SLC2A13: variants seen among roughly 807,000 people sequenced by gnomAD.
The protein encoded by SLC2A13 is solute carrier family 2 member 13, also known as proton myo-inositol cotransporter.
Under a neutral mutation model 64.4 loss-of-function variants are expected in SLC2A13, and 32 were observed. That is an observed-to-expected ratio of 0.50 (90% CI 0.37 to 0.67). The LOEUF (loss-of-function observed/expected upper bound fraction) is 0.67, where lower values mean the gene tolerates loss of function less well. Among genes scored for constraint, SLC2A13 ranks in the 30% least tolerant of loss-of-function variants. SLC2A13 has a pLI of 0.00. For synonymous variants in SLC2A13, 338 were observed against 327.1 expected, an observed-to-expected ratio of 1.03 and a Z score of -0.36; for missense variants, 743 against 829.2, an observed-to-expected ratio of 0.90 and a Z score of 1.28.
intron 3 of SLC2A13, among the ~76,000 whole-genome samples, chr12:39,985,020 C>T (rs190686095): frequency 2.0e-5 from 3 of 152,252 alleles, no homozygotes; most frequent in African/African-American, 7.2e-5. Flanking sequence ...CACCAGTTTG[C>T]TTCTGTTACC....
chr12:39,968,079 C>A (rs1317456373), intron 3 of SLC2A13, among the ~76,000 whole-genome samples: 1 of 152,008 alleles, frequency 6.6e-6, no homozygotes, highest in Non-Finnish European at 1.5e-5. Flanking sequence ...TCTCATATTG[C>A]TAATAAAGAC....
intron 4 of SLC2A13, among the ~76,000 whole-genome samples, chr12:39,889,242 A>C (rs1422218045): frequency 6.6e-6 from 1 of 152,118 alleles, no homozygotes; most frequent in Non-Finnish European, 1.5e-5. Context: ...CCATCAGTTA[A>C]AACCCCAAAT....
At chr12:39,911,781 T>A (rs1244637720) in intron 4 of SLC2A13, among the ~76,000 whole-genome samples, 1 of 152,012 alleles carries the variant, frequency 6.6e-6, no homozygotes, top group Non-Finnish European at 1.5e-5. Flanking sequence ...TAGCTGGAAA[T>A]TCAATGAGCC....
intron 6 of SLC2A13, among the ~76,000 whole-genome samples, chr12:39,854,322 A>G (rs954451826): frequency 2.0e-5 from 3 of 152,186 alleles, no homozygotes; most frequent in Admixed American, 1.3e-4. Flanking sequence ...TATGAATAAT[A>G]CTTGAATATT....
chr12:39,833,636 T>C (rs1942922369), intron 6 of SLC2A13, among the ~76,000 whole-genome samples: 1 of 152,114 alleles, frequency 6.6e-6, no homozygotes, highest in South Asian at 2.1e-4. Context: ...ACCAGGCATA[T>C]TGATACAAAT....
In SLC2A13 at chr12:39,980,240, C is replaced by G. The variant is rs1468502818; in HGVS notation, c.926-28875G>C. On this transcript the variant is annotated intron_variant, in intron 3 of 9. Transcript: ENST00000280871. ...AATCATGCCAAAATGTAAAGACCAT[C>G]GAGACTAGGAAGAAACTGCATCAAC... is the stretch of plus-strand genomic sequence containing the variant. Among the ~76,000 whole-genome samples, 17 of 152,150 alleles carry G rather than the reference C, an allele frequency of 1.1e-4. 1 individual carries two copies. The South Asian group carries it at 3.5e-3, about 32-fold the overall frequency.
intron 4 of SLC2A13, among the ~76,000 whole-genome samples, chr12:39,901,588 A>G (rs1293753728): frequency 5.6e-5 from 7 of 125,092 alleles, no homozygotes; most frequent in South Asian, 3.1e-4. Context: ...AACACATGAA[A>G]AAATGCTCAT....
rs556950251 is a variant in SLC2A13 at position 40,051,283 on chromosome 12, T to A, written c.557-3073A>T. On this transcript the variant is annotated intron_variant, in intron 1 of 9. Coordinates refer to ENST00000280871, the MANE Select transcript of SLC2A13 (RefSeq NM_052885.4). ...CACAGAACATGAGCTTAAATCTTTA[T>A]ATGAAATGACACGGGGTTTTCTGAG... 2.6e-5 allele frequency among the ~76,000 whole-genome samples: 4 copies of A among 152,308 alleles called. No individual in the cohort carries two copies. The South Asian group carries it at 6.2e-4, about 24-fold the overall frequency.
intron 7 of SLC2A13, among the ~76,000 whole-genome samples, chr12:39,822,926 T>A (rs976168113): frequency 6.6e-6 from 1 of 152,220 alleles, no homozygotes; most frequent in African/African-American, 2.4e-5. Flanking sequence ...ACGAGGGAGA[T>A]AAATTACTCA....
chr12:40,099,489 G>C (rs1291141955), intron 1 of SLC2A13, among the ~76,000 whole-genome samples: 1 of 152,194 alleles, frequency 6.6e-6, no homozygotes, highest in African/African-American at 2.4e-5. Context: ...AGATGTTAGT[G>C]TGAAGTCAGT....
chr12:39,760,299 G>A (rs769660825), intron 9 of SLC2A13, 47 bp from the exon 10 acceptor site: 3 of 1,507,750 alleles, frequency 2.0e-6, no homozygotes, highest in South Asian at 2.4e-5. Context: ...TATAGAGAGA[G>A]GCTTAAGTTG....
intron 4 of SLC2A13, among the ~76,000 whole-genome samples, chr12:39,933,139 G>C (rs1407221714): frequency 6.6e-6 from 1 of 152,202 alleles, no homozygotes; most frequent in Non-Finnish European, 1.5e-5. Flanking sequence ...TGAGGCAGGA[G>C]AATCAGTTGA....
At chr12:39,887,797 C>T (rs1944506984) in intron 4 of SLC2A13, among the ~76,000 whole-genome samples, 1 of 152,174 alleles carries the variant, frequency 6.6e-6, no homozygotes, top group Admixed American at 6.5e-5. Context: ...GTGACAGTAT[C>T]ACTGATGTAG....
At chr12:40,005,512 T>C (rs1947400173) in intron 3 of SLC2A13, among the ~76,000 whole-genome samples, 1 of 152,104 alleles carries the variant, frequency 6.6e-6, no homozygotes, top group Admixed American at 6.6e-5. Flanking sequence ...AAATCAGTGG[T>C]TCTCAAAGAG....
intron 2 of SLC2A13, among the ~76,000 whole-genome samples, chr12:40,029,463 C>T (rs1307772904): frequency 6.6e-6 from 1 of 152,128 alleles, no homozygotes; most frequent in Non-Finnish European, 1.5e-5. Context: ...CTCAGGAGGC[C>T]AATTCTATTT....
intron 4 of SLC2A13, among the ~76,000 whole-genome samples, chr12:39,885,233 T>G (rs1944439903): frequency 6.6e-6 from 1 of 152,112 alleles, no homozygotes; most frequent in African/African-American, 2.4e-5. Flanking sequence ...ACCCAAAGAT[T>G]GAGGAAAACA....
In SLC2A13 at chr12:39,878,591, A is replaced by T. The variant is rs1944255017; in HGVS notation, c.1035-6630T>A. 3.3e-5 allele frequency among the ~76,000 whole-genome samples: 5 copies of T among 152,218 alleles called. No individual in the cohort carries two copies. In the South Asian group the frequency reaches 1.0e-3, roughly 32 times the overall value. On this transcript the variant is annotated intron_variant, in intron 4 of 9. Coordinates refer to ENST00000280871, the MANE Select transcript of SLC2A13 (RefSeq NM_052885.4). ...CTAGTAGAAGAAACTTCTAAGCAAC[A>T]AAGCATTCAAGAAGTCGCCTGTCTG...
intron 7 of SLC2A13, among the ~76,000 whole-genome samples, chr12:39,812,833 AC>A (rs1182304295): frequency 5.6e-5 from 7 of 125,188 alleles, no homozygotes; most frequent in South Asian, 2.5e-4. Flanking sequence ...TTGTAGTATT[AC>A]CTTTTTTTTT....
chr12:40,096,955 A>G (rs1938964800), intron 1 of SLC2A13, among the ~76,000 whole-genome samples: 1 of 152,150 alleles, frequency 6.6e-6, no homozygotes, highest in African/African-American at 2.4e-5. Context: ...GATTTATCAT[A>G]TAATAGAAAG....
Sources: gnomAD v4.1 joint callset for allele counts (sites outside exome capture counted in the v4.1 genomes callset) on GRCh38, gnomAD v4.1.1 for gene constraint, MANE v1.5 for transcripts, NCBI Gene and HGNC (gene_info 2026-07-23, HGNC 2026-07-21) for gene names.